SLC9C2: variants seen among roughly 807,000 people sequenced by gnomAD.
SLC9C2 encodes the protein solute carrier family 9 member C2 (putative), also known as sodium/hydrogen exchanger 11.
Under a neutral mutation model 140.2 loss-of-function variants are expected in SLC9C2, and 75 were observed. The ratio of observed to expected loss-of-function variants is 0.53; its 90% CI spans 0.44 to 0.65. The LOEUF is 0.65. Among genes scored for constraint, SLC9C2 ranks in the 30% least tolerant of loss-of-function variants. The pLI is 0.00. For synonymous variants in SLC9C2, 375 were observed against 420.9 expected (o/e 0.89, Z 1.34); for missense variants, 1,074 against 1,331.8 (o/e 0.81, Z 3.01).
rs1030461535 is a variant in SLC9C2, at chr1:173,543,082, G to C, written c.1557+4607C>G. ...GGAAGTCAAATTGTCCCTGTTTGCAGATGACATGATTGTATATTTAGAAAA... is the reference window on the plus strand; with the variant it reads ...GGAAGTCAAATTGTCCCTGTTTGCACATGACATGATTGTATATTTAGAAAA... On this transcript the variant is annotated intron_variant, in intron 13 of 27. Coordinates refer to ENST00000367714, the MANE Select transcript of SLC9C2 (RefSeq NM_178527.4). 1.1e-4 allele frequency among the ~76,000 whole-genome samples: 16 copies of C among 152,276 alleles called. No individual in the cohort carries two copies. In the South Asian group the frequency reaches 2.1e-3, roughly 20 times the overall value.
chr1:173,543,345 A>G (rs1038404204), intron 13 of SLC9C2, among the ~76,000 whole-genome samples: 5 of 152,234 alleles, frequency 3.3e-5, no homozygotes, highest in Admixed American at 3.3e-4. Context: ...CTGCTCAATG[A>G]AATAAAAGGG....
intron 7 of SLC9C2, among the ~76,000 whole-genome samples, chr1:173,577,807 A>G (rs1426646849): frequency 6.6e-6 from 1 of 152,224 alleles, no homozygotes; most frequent in African/African-American, 2.4e-5. Context: ...TTAATAGTTT[A>G]TTAATTTAAA....
intron 10 of SLC9C2, among the ~76,000 whole-genome samples, chr1:173,556,634 C>A (rs1005523047): frequency 6.6e-6 from 1 of 151,676 alleles, no homozygotes; most frequent in Non-Finnish European, 1.5e-5. Flanking sequence ...GCATTTGTAC[C>A]CGGGCCTGGT....
chr1:173,573,215 A>G lies in SLC9C2; in HGVS notation c.1013T>C (p.Ile338Thr), dbSNP rs748154218. The G allele has an allele frequency of 6.4e-7, 1 of 1,565,078 alleles. No homozygotes were observed. The highest frequency in any genetic ancestry group is 2.2e-5 in the East Asian group (1 of 44,566). ...ATTCACTGTTGTAAATAAAATGAAT[A>G]TGAAAGGTATAGTGTGAAATTCATA... is the stretch of plus-strand genomic sequence containing the variant. Reference protein sequence around the residue: ...SHYEFHTIPFIFILFTTVNLV... With the variant: ...SHYEFHTIPFTFILFTTVNLV... Residue 338 changes from isoleucine to threonine, a missense_variant, in exon 9 of 28, where the codon ATA becomes ACA. Transcript: ENST00000367714.
At chr1:173,550,420 TTTTATTTA>T (rs754602433) in intron 11 of SLC9C2, among the ~76,000 whole-genome samples, 20 of 143,458 alleles carry the variant, frequency 1.4e-4, no homozygotes, top group South Asian at 2.3e-4. Context: ...TATTTTTTTA[TTTTATTTA>T]TTTATTTATT....
chr1:173,554,208 C>T (rs1024068032), intron 11 of SLC9C2, among the ~76,000 whole-genome samples: 10 of 152,138 alleles, frequency 6.6e-5, no homozygotes, highest in South Asian at 2.1e-4. Flanking sequence ...GATGATATTT[C>T]GCAGCTTCCC....
At chr1:173,564,637 C>CTTTTTTT (rs200972272) in intron 9 of SLC9C2, among the ~76,000 whole-genome samples, 4 of 119,746 alleles carry the variant, frequency 3.3e-5, no homozygotes, top group Non-Finnish European at 5.0e-5. Context: ...TTTTCCTTTT[C>CTTTTTTT]TTTTTTTTTT....
At chr1:173,534,441 G>GA (rs2101997770) in intron 16 of SLC9C2, 43 bp downstream of exon 16, 1 of 1,496,266 alleles carries the variant, frequency 6.7e-7, no homozygotes, top group Non-Finnish European at 8.9e-7. Context: ...CAAAATACCT[G>GA]AATTGCTCTT....
intron 23 of SLC9C2, among the ~76,000 whole-genome samples, chr1:173,514,894 T>A (rs1204818425): frequency 6.6e-6 from 1 of 152,146 alleles, no homozygotes; most frequent in South Asian, 2.1e-4. Flanking sequence ...AGAATTTTAT[T>A]TCTCCTTTTT....
chr1:173,571,993 T>C (rs1010495208), intron 9 of SLC9C2, among the ~76,000 whole-genome samples: 1 of 152,212 alleles, frequency 6.6e-6, no homozygotes, highest in Non-Finnish European at 1.5e-5. Context: ...TGCTAAATTC[T>C]TGTACTTGCA....
At chr1:173,506,349 C>A (rs1404547389) in intron 25 of SLC9C2, among the ~76,000 whole-genome samples, 2 of 152,164 alleles carry the variant, frequency 1.3e-5, no homozygotes. Context: ...CCTTCCCATG[C>A]CCTCTTATGT....
In SLC9C2 at chr1:173,509,655, G is replaced by T. The variant is rs778155574; in HGVS notation, c.2952C>A (p.Ala984=). The T allele has an allele frequency of 6.3e-6, 10 of 1,597,220 alleles. No homozygotes were observed. The Admixed American group carries it at 1.1e-4, about 17-fold the overall frequency. Residue 984 remains alanine (A), a synonymous_variant, in exon 24 of 28, where the codon GCC becomes GCA. Coordinates refer to ENST00000367714, the MANE Select transcript of SLC9C2 (RefSeq NM_178527.4). ...TTTTATATTCCAGAGATGGCCAGAA[G>T]GCATCAAAGCCTTCATATAAATCCT... ...SLEDLYEGFD[A]FWPSLEYKIW...
rs951295132 is a variant in SLC9C2 at position 173,522,826 on chromosome 1, C to T, written c.2640+1143G>A. Among the ~76,000 whole-genome samples the T allele has an allele frequency of 1.7e-4, 26 of 152,268 alleles. No individual in the cohort carries two copies. The East Asian group carries it at 5.0e-3, about 29-fold the overall frequency. On this transcript the variant is annotated intron_variant, in intron 21 of 27. Transcript: ENST00000367714. ...GGAACACTCCAGGCACACTTGGCCT[C>T]GGGGCCTCCTTGCACCCACTACTCC...
chr1:173,517,453 CA>C, intron 23 of SLC9C2, 83 bp downstream of exon 23: 2 of 1,382,462 alleles, frequency 1.4e-6, no homozygotes, highest in Non-Finnish European at 9.7e-7. Flanking sequence ...ACTAAGATGT[CA>C]AAACCCCAAA....
chr1:173,506,018 C>T (rs1386631730), intron 25 of SLC9C2, among the ~76,000 whole-genome samples: 1 of 152,150 alleles, frequency 6.6e-6, no homozygotes, highest in Admixed American at 6.5e-5. Context: ...TTGCCTCCAT[C>T]CTTTGTTTCA....
intron 9 of SLC9C2, among the ~76,000 whole-genome samples, 165 bp downstream of exon 9, chr1:173,573,017 C>T (rs1664938184): frequency 6.6e-6 from 1 of 152,136 alleles, no homozygotes; most frequent in African/African-American, 2.4e-5. Context: ...AAAATAAACA[C>T]TTACCCCAAG....
chr1:173,550,757 A>G (rs568773284), intron 11 of SLC9C2, among the ~76,000 whole-genome samples: 5 of 150,434 alleles, frequency 3.3e-5, no homozygotes, highest in African/African-American at 1.2e-4. Context: ...TTTTTTTTTT[A>G]AATGAAGAAG....
chr1:173,573,324 A>C lies in SLC9C2; in HGVS notation c.904T>G (p.Phe302Val), dbSNP rs772806914. 3 of 1,483,584 alleles carry C rather than the reference A, an allele frequency of 2.0e-6. No individual in the cohort carries two copies. Among genetic ancestry groups the C allele is most frequent in the Non-Finnish European group, 2.8e-6 (3 of 1,090,036 alleles). The allele number at this position is 1,483,584 out of a possible 1,614,324, so 91.9% of individuals were successfully genotyped here. A position where few individuals can be genotyped will look rare whatever the true frequency, so the allele number is the denominator to read the frequency against. ...TATACAGATGAAAAAATTCTTAAGAACCTAGGATGAATGAAATAGAAATGA... is the reference window on the plus strand; with the variant it reads ...TATACAGATGAAAAAATTCTTAAGACCCTAGGATGAATGAAATAGAAATGA... The part of the protein sequence containing the change: ...KPKIELVITK[F>V]LRIFSSVYEH... Residue 302 changes from phenylalanine (F) to valine (V), a missense_variant and splice_region_variant, in exon 9 of 28, where the codon TTC (phenylalanine) becomes GTC (valine). Coordinates refer to ENST00000367714, the MANE Select transcript of SLC9C2 (RefSeq NM_178527.4).
intron 9 of SLC9C2, among the ~76,000 whole-genome samples, chr1:173,565,179 T>C (rs193036892): frequency 6.6e-6 from 1 of 152,196 alleles, no homozygotes; most frequent in East Asian, 1.9e-4. Flanking sequence ...TTGTTGATTG[T>C]TTCCTTTACT....
Sources: gnomAD v4.1 joint callset for allele counts (sites outside exome capture counted in the v4.1 genomes callset) on GRCh38, gnomAD v4.1.1 for gene constraint, MANE v1.5 for transcripts, NCBI Gene and HGNC (gene_info 2026-07-23, HGNC 2026-07-21) for gene names.